The following ENTREP2 variants were observed in gnomAD, a reference collection of about 807,000 sequenced individuals.
ENTREP2 encodes protein ENTREP2.
the ENTREP2 span, among the ~76,000 whole-genome samples, chr15:29,366,075 C>T: frequency 1.3e-5 from 2 of 152,006 alleles, no homozygotes; most frequent in African/African-American, 2.4e-5. Flanking sequence ...TATGTCATTA[C>T]TATTATTATT....
chr15:29,461,546 A>G, the ENTREP2 span, among the ~76,000 whole-genome samples: 3 of 151,954 alleles, frequency 2.0e-5, no homozygotes, highest in African/African-American at 7.3e-5. Context: ...CAGTGGTGCG[A>G]TCTTGGCTCA....
the ENTREP2 span, among the ~76,000 whole-genome samples, chr15:29,324,997 T>A: frequency 6.6e-6 from 1 of 152,316 alleles, no homozygotes; most frequent in Non-Finnish European, 1.5e-5. Flanking sequence ...AGTATGCTCT[T>A]AGACCACAGT....
chr15:29,165,380 T>C, the ENTREP2 span, among the ~76,000 whole-genome samples: 5 of 151,654 alleles, frequency 3.3e-5, no homozygotes, highest in African/African-American at 1.2e-4. Context: ...AAAAGATAAA[T>C]GAAACAAAAA....
chr15:29,573,350 CAAAT>C, the ENTREP2 span, among the ~76,000 whole-genome samples: 1 of 152,014 alleles, frequency 6.6e-6, no homozygotes, highest in East Asian at 1.9e-4. Flanking sequence ...AAACTTTAGA[CAAAT>C]AAATTTAACA....
chr15:29,399,344 G>T, the ENTREP2 span, among the ~76,000 whole-genome samples: 1 of 152,194 alleles, frequency 6.6e-6, no homozygotes, highest in Non-Finnish European at 1.5e-5. Context: ...TGCTATGCTT[G>T]TGGCAATTTG....
the ENTREP2 span, among the ~76,000 whole-genome samples, chr15:29,441,146 C>CA: frequency 6.6e-6 from 1 of 152,222 alleles, no homozygotes; most frequent in Non-Finnish European, 1.5e-5. Flanking sequence ...AAAGGAAATT[C>CA]AGACACATGC....
chr15:29,331,148 G>T, the ENTREP2 span, among the ~76,000 whole-genome samples: 29 of 152,312 alleles, frequency 1.9e-4, no homozygotes, highest in African/African-American at 7.0e-4. Context: ...ATGTTTGCTT[G>T]GTGTAAAACT....
At chr15:29,293,943 TG>T in the ENTREP2 span, among the ~76,000 whole-genome samples, 1 of 151,996 alleles carries the variant, frequency 6.6e-6, no homozygotes, top group Non-Finnish European at 1.5e-5. Flanking sequence ...AAACTGAGGG[TG>T]GGGGGAGATT....
At chr15:29,243,803 A>T in the ENTREP2 span, among the ~76,000 whole-genome samples, 1,049 of 152,346 alleles carry the variant, frequency 6.9e-3, 17 homozygotes, top group African/African-American at 0.024. Flanking sequence ...AAAAGAAAGA[A>T]AACACGAATA....
At chr15:29,283,655 T>C in the ENTREP2 span, among the ~76,000 whole-genome samples, 4 of 152,024 alleles carry the variant, frequency 2.6e-5, no homozygotes, top group Non-Finnish European at 4.4e-5. Flanking sequence ...AGAGGGACAG[T>C]GGTTTGAAGG....
the ENTREP2 span, among the ~76,000 whole-genome samples, chr15:29,414,690 A>AG: frequency 1.3e-5 from 2 of 152,352 alleles, no homozygotes; most frequent in African/African-American, 4.8e-5. Context: ...AAACCCTTCA[A>AG]AAAATCAATG....
chr15:29,635,756 T>TCTG, the ENTREP2 span, among the ~76,000 whole-genome samples: 3 of 152,304 alleles, frequency 2.0e-5, no homozygotes, highest in East Asian at 5.8e-4. Flanking sequence ...AACAGAGGTG[T>TCTG]CTGCTCCAGC....
the ENTREP2 span, chr15:29,235,250 G>A: frequency 9.4e-5 from 48 of 508,892 alleles, 1 homozygote; most frequent in South Asian, 1.1e-3. Context: ...AAAAAATAAG[G>A]AAAGCTTCTG....
At chr15:29,344,682 G>T in the ENTREP2 span, among the ~76,000 whole-genome samples, 1 of 152,004 alleles carries the variant, frequency 6.6e-6, no homozygotes, top group Non-Finnish European at 1.5e-5. Context: ...CTGGTGGAAG[G>T]TCAGTGCCAC....
chr15:29,177,627 G>A, the ENTREP2 span, among the ~76,000 whole-genome samples: 2 of 152,178 alleles, frequency 1.3e-5, no homozygotes, highest in Non-Finnish European at 2.9e-5. Context: ...GAGGGACACA[G>A]GGGTGCCCTG....
At chr15:29,570,579 C>A in the ENTREP2 span, 1 of 1,470,060 alleles carries the variant, frequency 6.8e-7, no homozygotes, top group Non-Finnish European at 9.0e-7. Flanking sequence ...GCGAAGCTGA[C>A]TGCCACGATG....
the ENTREP2 span, among the ~76,000 whole-genome samples, chr15:29,466,720 A>T: frequency 2.9e-4 from 35 of 119,762 alleles, no homozygotes; most frequent in Non-Finnish European, 6.8e-5. Flanking sequence ...GGGAGGGCCC[A>T]GGGGTGGATG....
chr15:29,636,341 G>A, the ENTREP2 span, among the ~76,000 whole-genome samples: 3,827 of 152,292 alleles, frequency 0.025, 183 homozygotes, highest in African/African-American at 0.088. Context: ...GTGCTTGTGC[G>A]TACAGTTGGC....
the ENTREP2 span, among the ~76,000 whole-genome samples, chr15:29,422,230 A>G: frequency 6.6e-6 from 1 of 152,038 alleles, no homozygotes; most frequent in Non-Finnish European, 1.5e-5. Flanking sequence ...AGGTCGCGCC[A>G]TTGCACTCCA....
Sources: allele counts gnomAD v4.1 joint callset (sites outside exome capture counted in the v4.1 genomes callset), GRCh38; gene constraint gnomAD v4.1.1; transcripts MANE v1.5; gene names NCBI Gene and HGNC (gene_info 2026-07-23, HGNC 2026-07-21).